The following MYO3B variants were observed in gnomAD, a reference collection of about 807,000 sequenced individuals.
The protein encoded by MYO3B is myosin IIIB.
In MYO3B, 156 loss-of-function variants were observed where a neutral mutation model predicts 174.6. That is an observed-to-expected ratio of 0.89 (90% CI 0.78 to 1.02). The LOEUF (loss-of-function observed/expected upper bound fraction) is 1.02. Ranked by LOEUF, MYO3B falls within the 50% of genes least tolerant of loss-of-function variation. The pLI, the probability that MYO3B is intolerant of heterozygous loss-of-function variation, is 0.00. For missense variants in MYO3B, 1,632 were observed against 1,639.4 expected (o/e 1.00, Z 0.08); for synonymous variants, 563 against 569.1 (o/e 0.99, Z 0.15).
At chr2:170,193,180 G>A (rs1352974416) in intron 1 of MYO3B, among the ~76,000 whole-genome samples, 1 of 151,820 alleles carries the variant, frequency 6.6e-6, no homozygotes, top group African/African-American at 2.4e-5. Context: ...TTTTGATACT[G>A]AAGGATTTAT....
intron 23 of MYO3B, among the ~76,000 whole-genome samples, chr2:170,452,316 G>A (rs186919570): frequency 6.6e-6 from 1 of 152,156 alleles, no homozygotes; most frequent in African/African-American, 2.4e-5. Context: ...TTCCAGAATG[G>A]GGTCTGTGGT....
intron 32 of MYO3B, among the ~76,000 whole-genome samples, chr2:170,555,998 C>G (rs929450624): frequency 6.6e-6 from 1 of 152,116 alleles, no homozygotes; most frequent in African/African-American, 2.4e-5. Flanking sequence ...GAGTTCTAGA[C>G]CAGCCTGAGA....
At chr2:170,354,155 T>C (rs1047689970) in intron 8 of MYO3B, among the ~76,000 whole-genome samples, 2 of 152,258 alleles carry the variant, frequency 1.3e-5, no homozygotes, top group African/African-American at 4.8e-5. Flanking sequence ...CAACCCTGTT[T>C]AATGCTAGGC....
chr2:170,514,592 C>T (rs1242098608), intron 28 of MYO3B, among the ~76,000 whole-genome samples: 1 of 152,196 alleles, frequency 6.6e-6, no homozygotes, highest in Non-Finnish European at 1.5e-5. Flanking sequence ...CTGGTGCACT[C>T]ATGACCTGTG....
At chr2:170,450,638 C>G (rs1683548179) in intron 23 of MYO3B, among the ~76,000 whole-genome samples, 1 of 151,686 alleles carries the variant, frequency 6.6e-6, no homozygotes. Flanking sequence ...ACATAAAAAT[C>G]TTTTTCAAAA....
intron 32 of MYO3B, among the ~76,000 whole-genome samples, chr2:170,651,333 GACC>G (rs1698998286): frequency 6.6e-6 from 1 of 152,150 alleles, no homozygotes; most frequent in Non-Finnish European, 1.5e-5. Context: ...TATAAATGCT[GACC>G]ACCAACTTAT....
intron 5 of MYO3B, among the ~76,000 whole-genome samples, chr2:170,216,868 T>C (rs1434768374): frequency 4.2e-5 from 6 of 143,112 alleles, no homozygotes; most frequent in South Asian, 2.3e-4. Flanking sequence ...TGCAGTGATA[T>C]AGACAGGGAT....
chr2:170,429,259 C>CTACCTG (rs1485304116), intron 22 of MYO3B, among the ~76,000 whole-genome samples: 1 of 152,190 alleles, frequency 6.6e-6, no homozygotes, highest in African/African-American at 2.4e-5. Flanking sequence ...CTGTATGAAA[C>CTACCTG]TACCTGACCC....
chr2:170,642,021 T>C (rs1698011063), intron 32 of MYO3B, among the ~76,000 whole-genome samples: 1 of 152,154 alleles, frequency 6.6e-6, no homozygotes, highest in Non-Finnish European at 1.5e-5. Context: ...CATCTACCTC[T>C]TTGAAACGCC....
At chr2:170,301,471 CATG>C (rs2093664537) in intron 7 of MYO3B, among the ~76,000 whole-genome samples, 1 of 152,216 alleles carries the variant, frequency 6.6e-6, no homozygotes, top group South Asian at 2.1e-4. Context: ...GGGCACAAAA[CATG>C]ATCAAAATAA....
At chr2:170,365,151 C>A (rs1043647274) in intron 8 of MYO3B, among the ~76,000 whole-genome samples, 23 of 152,118 alleles carry the variant, frequency 1.5e-4, no homozygotes, top group African/African-American at 5.3e-4. Context: ...GTACGTTGTA[C>A]CTTTGTCATT....
chr2:170,404,190 C>G, intron 19 of MYO3B, 57 bp from the exon 20 acceptor site: 1 of 1,525,158 alleles, frequency 6.6e-7, no homozygotes, highest in Non-Finnish European at 8.8e-7. Flanking sequence ...TCAAAGTATC[C>G]TGGTGGTCCC....
chr2:170,591,598 T>G (rs1437758530), intron 32 of MYO3B, among the ~76,000 whole-genome samples: 3 of 152,134 alleles, frequency 2.0e-5, no homozygotes, highest in Non-Finnish European at 2.9e-5. Flanking sequence ...TTTTTTCTTT[T>G]GTGGAAAATT....
At chr2:170,269,789 G>T (rs1469601369) in intron 7 of MYO3B, among the ~76,000 whole-genome samples, 2 of 152,184 alleles carry the variant, frequency 1.3e-5, no homozygotes, top group East Asian at 1.9e-4. Flanking sequence ...GTCCTGACAT[G>T]CAAAGATTTC....
At chr2:170,417,079 C>T (rs1457070379) in intron 22 of MYO3B, among the ~76,000 whole-genome samples, 3 of 152,132 alleles carry the variant, frequency 2.0e-5, no homozygotes, top group African/African-American at 7.2e-5. Context: ...CTGCCTCGGC[C>T]TCCCAAAGTG....
intron 28 of MYO3B, among the ~76,000 whole-genome samples, chr2:170,503,647 C>A (rs889309908): frequency 5.2e-5 from 1 of 19,202 alleles, no homozygotes; most frequent in African/African-American, 1.0e-4. Context: ...TTTAAGGGTG[C>A]CGTCCTTTTT....
chr2:170,505,029 G>T (rs1687533664), intron 28 of MYO3B, among the ~76,000 whole-genome samples: 1 of 152,060 alleles, frequency 6.6e-6, no homozygotes. Context: ...ATGAGCTGGT[G>T]GTCTAGAGAT....
At chr2:170,233,910 G>A (rs1376326111) in intron 6 of MYO3B, among the ~76,000 whole-genome samples, 1 of 152,100 alleles carries the variant, frequency 6.6e-6, no homozygotes, top group Non-Finnish European at 1.5e-5. Context: ...GGTGGCTCAC[G>A]CCTGTAATCC....
chr2:170,617,790 C>A (rs1338048373), intron 32 of MYO3B, among the ~76,000 whole-genome samples: 1 of 152,126 alleles, frequency 6.6e-6, no homozygotes, highest in East Asian at 1.9e-4. Context: ...TGAGAGCAAT[C>A]ATTAGTAATA....
Sources: allele counts gnomAD v4.1 joint callset (sites outside exome capture counted in the v4.1 genomes callset), GRCh38; gene constraint gnomAD v4.1.1; transcripts MANE v1.5; gene names NCBI Gene and HGNC (gene_info 2026-07-23, HGNC 2026-07-21).